TAFA2: variants seen among roughly 807,000 people sequenced by gnomAD.
TAFA2 encodes the protein TAFA chemokine like family member 2.
TAFA2 carries 7 observed loss-of-function variants against 18.8 expected under a neutral mutation model. That is an observed-to-expected ratio of 0.37 (90% CI 0.21 to 0.70). The LOEUF (loss-of-function observed/expected upper bound fraction) is 0.70. TAFA2 is among the 30% of genes least tolerant of loss of function. TAFA2 has a pLI of 0.53. For synonymous variants in TAFA2, 60 were observed against 54.2 expected, an observed-to-expected ratio of 1.11 and a Z score of -0.47; for missense variants, 122 against 158.1, an observed-to-expected ratio of 0.77 and a Z score of 1.23.
chr12:61,832,642 C>G (rs776935368), intron 2 of TAFA2, among the ~76,000 whole-genome samples: 2 of 152,074 alleles, frequency 1.3e-5, no homozygotes, highest in African/African-American at 4.8e-5. Context: ...AGAACATTAA[C>G]AGCCCTACTG....
At chr12:61,733,164 G>A (rs887785718) in intron 4 of TAFA2, among the ~76,000 whole-genome samples, 2 of 152,072 alleles carry the variant, frequency 1.3e-5, no homozygotes, top group Non-Finnish European at 1.5e-5. Context: ...TGTAGATTCT[G>A]GATATTAGCC....
intron 1 of TAFA2, among the ~76,000 whole-genome samples, chr12:62,057,773 A>G (rs1456675274): frequency 3.3e-5 from 5 of 152,150 alleles, no homozygotes; most frequent in African/African-American, 7.2e-5. Context: ...ATTATTTGCA[A>G]TTGCCATATA....
intron 1 of TAFA2, among the ~76,000 whole-genome samples, chr12:61,961,364 C>A (rs1244586994): frequency 6.6e-6 from 1 of 151,924 alleles, no homozygotes; most frequent in Non-Finnish European, 1.5e-5. Context: ...ATAATTTTTA[C>A]ATGGATAGGT....
At chr12:61,854,666 G>T (rs986937566) in intron 2 of TAFA2, among the ~76,000 whole-genome samples, 7 of 152,018 alleles carry the variant, frequency 4.6e-5, no homozygotes, top group African/African-American at 1.7e-4. Context: ...ACAGTACAGT[G>T]AGAAAATAAT....
chr12:62,068,207 ATGT>A (rs1278716056), intron 1 of TAFA2, among the ~76,000 whole-genome samples: 13 of 152,152 alleles, frequency 8.5e-5, no homozygotes. Flanking sequence ...AATACAGGAA[ATGT>A]TGTGATGAAT....
chr12:61,745,093 T>C (rs1410136396), intron 4 of TAFA2, among the ~76,000 whole-genome samples: 1 of 152,024 alleles, frequency 6.6e-6, no homozygotes, highest in East Asian at 1.9e-4. Context: ...GAATCTCTCA[T>C]TACTATAGAA....
At chr12:61,783,599 T>A (rs1870599502) in intron 2 of TAFA2, among the ~76,000 whole-genome samples, 1 of 151,578 alleles carries the variant, frequency 6.6e-6, no homozygotes, top group South Asian at 2.1e-4. Flanking sequence ...TTATTTCTTA[T>A]CCCAGACACA....
At position 62,187,226 on chromosome 12, in the gene TAFA2, G is replaced by T. The variant is rs76050390; in HGVS notation, c.-2+4033C>A. Among the ~76,000 whole-genome samples the T allele has an allele frequency of 5.9e-4, 90 of 152,116 alleles. 1 individual carries two copies. In the East Asian group the frequency reaches 0.015, roughly 25 times the overall value. ...GTGTCTCCGCATTGAGGACAAAAATGATTTTTTTTGCATTTGTAGCCTAGT... is the reference window on the plus strand; with the variant it reads ...GTGTCTCCGCATTGAGGACAAAAATTATTTTTTTTGCATTTGTAGCCTAGT... On this transcript the variant is annotated intron_variant, in intron 1 of 4. Coordinates refer to ENST00000416284, the MANE Select transcript of TAFA2 (RefSeq NM_178539.5).
intron 2 of TAFA2, among the ~76,000 whole-genome samples, chr12:61,817,092 C>A (rs1872117484): frequency 6.8e-6 from 1 of 146,712 alleles, no homozygotes; most frequent in Non-Finnish European, 1.5e-5. Context: ...ATTGAGATGG[C>A]AATATATGAA....
chr12:61,855,785 T>C (rs1873858933), intron 2 of TAFA2, among the ~76,000 whole-genome samples: 1 of 152,000 alleles, frequency 6.6e-6, no homozygotes, highest in Non-Finnish European at 1.5e-5. Context: ...CAACTTAATA[T>C]ATGAGAAAGG....
chr12:62,207,334 C>A (rs2062696155), intron 1 of TAFA2: 1 of 152,086 alleles, frequency 6.6e-6, no homozygotes, highest in Admixed American at 6.6e-5. Context: ...ATTTTAATAT[C>A]CAATAATAAT....
intron 1 of TAFA2, among the ~76,000 whole-genome samples, chr12:62,139,350 T>C (rs768936293): frequency 8.5e-5 from 13 of 152,200 alleles, no homozygotes; most frequent in Non-Finnish European, 1.9e-4. Context: ...TTTGCAGAAT[T>C]CATTTTCCCC....
intron 2 of TAFA2, among the ~76,000 whole-genome samples, chr12:61,808,624 G>A (rs556786570): frequency 1.5e-4 from 23 of 151,498 alleles, no homozygotes; most frequent in African/African-American, 2.5e-4. Flanking sequence ...AGGAAGTTAC[G>A]GTTGGGTCCA....
intron 1 of TAFA2, among the ~76,000 whole-genome samples, chr12:61,975,490 TC>T (rs1879397097): frequency 7.3e-6 from 1 of 136,534 alleles, no homozygotes; most frequent in Admixed American, 7.8e-5. Flanking sequence ...TAACTGGATC[TC>T]CTTTTTAAGG....
At chr12:61,967,517 T>C (rs1253430178) in intron 1 of TAFA2, among the ~76,000 whole-genome samples, 1 of 151,852 alleles carries the variant, frequency 6.6e-6, no homozygotes, top group East Asian at 1.9e-4. Context: ...TCCATTTGAA[T>C]AAAACACGTC....
chr12:62,087,232 A>G (rs1216557735), intron 1 of TAFA2, among the ~76,000 whole-genome samples: 2 of 152,146 alleles, frequency 1.3e-5, no homozygotes, highest in African/African-American at 4.8e-5. Flanking sequence ...CATGATGGTT[A>G]TACAACAATG....
At chr12:62,180,456 T>C (rs899907309) in intron 1 of TAFA2, among the ~76,000 whole-genome samples, 15 of 152,208 alleles carry the variant, frequency 9.9e-5, no homozygotes, top group African/African-American at 3.6e-4. Flanking sequence ...AGTTTCTAAG[T>C]GTGTAGCAAT....
chr12:62,091,038 A>C (rs921454223), intron 1 of TAFA2, among the ~76,000 whole-genome samples: 3 of 152,084 alleles, frequency 2.0e-5, no homozygotes, highest in African/African-American at 7.2e-5. Context: ...ATATATCAAA[A>C]TTAATCAACA....
intron 1 of TAFA2, among the ~76,000 whole-genome samples, chr12:62,202,653 T>C (rs897292531): frequency 3.3e-5 from 5 of 151,962 alleles, no homozygotes; most frequent in Non-Finnish European, 5.9e-5. Context: ...CATTTAGTGT[T>C]ATAAATTTCC....
Sources: allele counts gnomAD v4.1 joint callset (sites outside exome capture counted in the v4.1 genomes callset), GRCh38; gene constraint gnomAD v4.1.1; transcripts MANE v1.5; gene names NCBI Gene and HGNC (gene_info 2026-07-23, HGNC 2026-07-21).